The following CPQ variants were observed in gnomAD, a reference collection of about 807,000 sequenced individuals.
CPQ encodes the protein Ser-Met dipeptidase.
In CPQ, 37 loss-of-function variants were observed where a neutral mutation model predicts 45.7. The observed-to-expected ratio is 0.81, with a 90% CI of 0.62 to 1.07. The LOEUF is 1.07. Among genes scored for constraint, CPQ ranks in the 50% least tolerant of loss-of-function variants. The probability of loss-of-function intolerance (pLI) is 0.00; values close to 1 mark genes in which losing one functional copy is unlikely to be tolerated. For synonymous variants in CPQ, 186 were observed against 205.8 expected, an observed-to-expected ratio of 0.90 and a Z score of 0.82; for missense variants, 537 against 572.9, an observed-to-expected ratio of 0.94 and a Z score of 0.64.
chr8:96,895,261 G>T (rs1812429343), intron 4 of CPQ, among the ~76,000 whole-genome samples: 1 of 152,096 alleles, frequency 6.6e-6, no homozygotes. Flanking sequence ...GTGAAAAGAA[G>T]TTTTACTTGG....
chr8:97,061,269 GT>G (rs1223079042), intron 6 of CPQ, among the ~76,000 whole-genome samples: 1 of 146,326 alleles, frequency 6.8e-6, no homozygotes, highest in Non-Finnish European at 1.5e-5. Context: ...TTTTGTTTTT[GT>G]TTTCATTTCT....
At chr8:97,042,626 G>C (rs1181388409) in intron 6 of CPQ, among the ~76,000 whole-genome samples, 1 of 151,248 alleles carries the variant, frequency 6.6e-6, no homozygotes, top group African/African-American at 2.4e-5. Flanking sequence ...GGCATTTAGT[G>C]CTATAAATTT....
intron 1 of CPQ, among the ~76,000 whole-genome samples, chr8:96,728,203 A>G (rs1186709443): frequency 1.3e-5 from 2 of 152,126 alleles, no homozygotes; most frequent in African/African-American, 4.8e-5. Context: ...AAATGCTTCT[A>G]TCAAATTCTG....
At chr8:96,954,129 C>T (rs1286272415) in intron 4 of CPQ, among the ~76,000 whole-genome samples, 2 of 151,992 alleles carry the variant, frequency 1.3e-5, no homozygotes, top group Admixed American at 1.3e-4. Flanking sequence ...TTTAATCTTG[C>T]TCTAATTTAT....
intron 1 of CPQ, among the ~76,000 whole-genome samples, chr8:96,682,293 G>A (rs1178731190): frequency 1.3e-5 from 2 of 152,150 alleles, no homozygotes; most frequent in Admixed American, 6.5e-5. Context: ...TGCTATTCTT[G>A]TGATAGTAAG....
intron 3 of CPQ, among the ~76,000 whole-genome samples, chr8:96,848,699 A>G (rs1811731721): frequency 6.6e-6 from 1 of 152,300 alleles, no homozygotes; most frequent in East Asian, 1.9e-4. Context: ...TTGTTGTCAA[A>G]TTTGGGAAAA....
intron 7 of CPQ, among the ~76,000 whole-genome samples, chr8:97,131,016 C>T (rs1467363065): frequency 2.6e-5 from 4 of 152,200 alleles, no homozygotes; most frequent in South Asian, 2.1e-4. Flanking sequence ...ATAAATAAAA[C>T]GAAAGCATAT....
chr8:96,877,473 G>C (rs2130879077), intron 3 of CPQ, among the ~76,000 whole-genome samples: 1 of 152,280 alleles, frequency 6.6e-6, no homozygotes, highest in Non-Finnish European at 1.5e-5. Flanking sequence ...AGAACAAGGA[G>C]AGTTTGTTGA....
At chr8:96,680,159 T>C (rs950195019) in intron 1 of CPQ, among the ~76,000 whole-genome samples, 1 of 152,236 alleles carries the variant, frequency 6.6e-6, no homozygotes, top group Non-Finnish European at 1.5e-5. Flanking sequence ...TTTCCTTCTT[T>C]ATTTCCTCAT....
At chr8:96,802,698 T>C (rs1397722859) in intron 2 of CPQ, among the ~76,000 whole-genome samples, 2 of 152,168 alleles carry the variant, frequency 1.3e-5, no homozygotes, top group African/African-American at 4.8e-5. Flanking sequence ...TATTGGTAAA[T>C]GCATTGGATG....
intron 1 of CPQ, among the ~76,000 whole-genome samples, chr8:96,675,605 G>A (rs911387123): frequency 6.6e-6 from 1 of 152,002 alleles, no homozygotes; most frequent in Non-Finnish European, 1.5e-5. Flanking sequence ...TATGTTAAAA[G>A]TATATGCATG....
intron 5 of CPQ, among the ~76,000 whole-genome samples, chr8:97,002,272 T>C (rs1809297915): frequency 6.6e-6 from 1 of 152,140 alleles, no homozygotes. Flanking sequence ...TCAATTCAGC[T>C]CAGATTTTGG....
At chr8:96,977,846 A>C (rs1237823269) in intron 5 of CPQ, among the ~76,000 whole-genome samples, 1 of 152,360 alleles carries the variant, frequency 6.6e-6, no homozygotes, top group African/African-American at 2.4e-5. Context: ...ACAGCAAAGG[A>C]TAAAAGACTG....
chr8:96,761,051 G>C (rs1035170213), intron 1 of CPQ: 2 of 152,112 alleles, frequency 1.3e-5, no homozygotes, highest in Non-Finnish European at 2.9e-5. Flanking sequence ...AAACTTCATA[G>C]GGAATAAGCA....
rs75301173 is a variant in CPQ, at chr8:96,700,260, G to A, written c.-35+54858G>A. On this transcript the variant is annotated intron_variant, in intron 1 of 7. Transcript: ENST00000220763. ...TGCCAAGGCTGATAGACAATGGACCGCAGGTAAGATGTCTAAGAAGAAGAC... is the reference window on the plus strand; with the variant it reads ...TGCCAAGGCTGATAGACAATGGACCACAGGTAAGATGTCTAAGAAGAAGAC... Among the ~76,000 whole-genome samples the A allele has an allele frequency of 3.0e-3, 452 of 152,164 alleles. 1 individual carries two copies. The highest frequency in any genetic ancestry group is 0.02 in the Middle Eastern group (6 of 294).
intron 5 of CPQ, among the ~76,000 whole-genome samples, chr8:96,973,395 A>T (rs2130375826): frequency 6.6e-6 from 1 of 152,264 alleles, no homozygotes; most frequent in East Asian, 1.9e-4. Flanking sequence ...CCTAAAAATA[A>T]TCGGCGTTCT....
intron 2 of CPQ, among the ~76,000 whole-genome samples, chr8:96,815,160 T>C (rs1811211582): frequency 6.6e-6 from 1 of 151,974 alleles, no homozygotes; most frequent in South Asian, 2.1e-4. Flanking sequence ...ATGAGTGAAT[T>C]GTATGACATG....
intron 7 of CPQ, among the ~76,000 whole-genome samples, chr8:97,122,907 TA>T (rs1162815099): frequency 1.6e-5 from 1 of 62,452 alleles, no homozygotes; most frequent in Non-Finnish European, 2.5e-5. Context: ...TAAAATAAAA[TA>T]AAATAAAATA....
chr8:97,099,527 G>C (rs747642102), intron 7 of CPQ, among the ~76,000 whole-genome samples: 14 of 151,248 alleles, frequency 9.3e-5, no homozygotes, highest in Non-Finnish European at 1.8e-4. Context: ...TTTGATTATA[G>C]GAAAAATTCT....
Sources: allele counts gnomAD v4.1 joint callset (sites outside exome capture counted in the v4.1 genomes callset), GRCh38; gene constraint gnomAD v4.1.1; transcripts MANE v1.5; gene names NCBI Gene and HGNC (gene_info 2026-07-23, HGNC 2026-07-21).